Variants in MAP3K5 observed in about 807,000 individuals in gnomAD.
MAP3K5 encodes the protein ASK-1.
A neutral mutation model predicts 158.7 loss-of-function variants in MAP3K5; 56 were observed. The ratio of observed to expected loss-of-function variants is 0.35; its 90% CI spans 0.28 to 0.44. The LOEUF (loss-of-function observed/expected upper bound fraction) is 0.44, where lower values mean the gene tolerates loss of function less well. Ranked by LOEUF, MAP3K5 falls within the 20% of genes least tolerant of loss-of-function variation. The probability of loss-of-function intolerance (pLI) is 1.00; values close to 1 mark genes in which losing one functional copy is unlikely to be tolerated. For synonymous variants in MAP3K5, 579 were observed against 601.7 expected (o/e 0.96, Z 0.55); for missense variants, 1,294 against 1,674.8 (o/e 0.77, Z 3.97).
chr6:136,762,643 T>C (rs1437475514), intron 1 of MAP3K5, among the ~76,000 whole-genome samples: 5 of 152,238 alleles, frequency 3.3e-5, no homozygotes, highest in Admixed American at 6.5e-5. Flanking sequence ...AGGGAAATTA[T>C]ACCAGGGAAA....
In MAP3K5 at chr6:136,698,519, T is replaced by C. The variant is rs759105579; in HGVS notation, c.776A>G (p.Gln259Arg). 3 of 1,613,834 alleles carry C rather than the reference T, an allele frequency of 1.9e-6. No individual in the cohort carries two copies. The highest frequency in any genetic ancestry group is 2.2e-5 in the South Asian group (2 of 91,024). Residue 259 changes from glutamine (Q) to arginine (R), a missense_variant, in exon 4 of 30, where the codon CAA becomes CGA. Gln to Arg is a conservative substitution (Grantham distance 43). Coordinates refer to ENST00000359015, the MANE Select transcript of MAP3K5 (RefSeq NM_005923.4). ...ACTTGCTTGTGCCACCTTCAAAAGTTGAATAAAACGATCCACAAGAGGTAA... is the reference window on the plus strand; with the variant it reads ...ACTTGCTTGTGCCACCTTCAAAAGTCGAATAAAACGATCCACAAGAGGTAA... Reference protein sequence around the residue: ...ICLPLVDRFIQLLKVAQASSS... With the variant: ...ICLPLVDRFIRLLKVAQASSS...
chr6:136,635,128 TAAAA>T (rs758234854), intron 14 of MAP3K5, among the ~76,000 whole-genome samples: 1 of 129,666 alleles, frequency 7.7e-6, no homozygotes, highest in Non-Finnish European at 1.7e-5. Context: ...ATCTCTGGTT[TAAAA>T]AAAAAAAAAA....
intron 21 of MAP3K5, among the ~76,000 whole-genome samples, chr6:136,595,142 G>A (rs1397672282): frequency 1.3e-5 from 2 of 152,142 alleles, no homozygotes; most frequent in African/African-American, 2.4e-5. Flanking sequence ...TTTTGAGACA[G>A]AGTCACACTA....
intron 11 of MAP3K5, among the ~76,000 whole-genome samples, chr6:136,642,914 G>A (rs1175034492): frequency 6.6e-6 from 1 of 152,104 alleles, no homozygotes. Context: ...TTACAGTTGA[G>A]AAATACTTCT....
chr6:136,570,924 T>C (rs7767701), intron 25 of MAP3K5, among the ~76,000 whole-genome samples: 30,195 of 152,090 alleles, frequency 0.2, 3,461 homozygotes, highest in East Asian at 0.38. Flanking sequence ...AGACAGGGAT[T>C]GATCTCCAGT....
At chr6:136,636,430 A>G (rs1266151686) in intron 14 of MAP3K5, among the ~76,000 whole-genome samples, 1 of 152,214 alleles carries the variant, frequency 6.6e-6, no homozygotes, top group Non-Finnish European at 1.5e-5. Flanking sequence ...AGCCCAATGG[A>G]CTAAGTCACT....
At chr6:136,672,424 C>T (rs1417470719) in intron 7 of MAP3K5, among the ~76,000 whole-genome samples, 1 of 152,122 alleles carries the variant, frequency 6.6e-6, no homozygotes, top group African/African-American at 2.4e-5. Context: ...TTGGCATGGG[C>T]AGAGAAACTC....
intron 24 of MAP3K5, among the ~76,000 whole-genome samples, chr6:136,582,824 A>C (rs992477922): frequency 6.6e-6 from 1 of 152,230 alleles, no homozygotes; most frequent in African/African-American, 2.4e-5. Flanking sequence ...ACATCTTGTT[A>C]AGGGTCTCCT....
chr6:136,638,867 T>C (rs1777778420), intron 13 of MAP3K5, among the ~76,000 whole-genome samples: 2 of 152,356 alleles, frequency 1.3e-5, no homozygotes, highest in South Asian at 4.1e-4. Flanking sequence ...AAACTAACTT[T>C]CACCTACACT....
At chr6:136,687,171 G>A (rs1211106722) in intron 7 of MAP3K5, among the ~76,000 whole-genome samples, 1 of 152,090 alleles carries the variant, frequency 6.6e-6, no homozygotes, top group Admixed American at 6.5e-5. Context: ...CAAGTAACGG[G>A]GAAAGAATTC....
At chr6:136,777,122 A>C (rs1373629549) in intron 1 of MAP3K5, among the ~76,000 whole-genome samples, 1 of 152,238 alleles carries the variant, frequency 6.6e-6, no homozygotes, top group Non-Finnish European at 1.5e-5. Flanking sequence ...AGTCAAGCCA[A>C]CTATTCTTGT....
chr6:136,695,472 A>G (rs953216672), intron 6 of MAP3K5, among the ~76,000 whole-genome samples: 1 of 152,228 alleles, frequency 6.6e-6, no homozygotes, highest in Non-Finnish European at 1.5e-5. Context: ...TATTATAAAA[A>G]AGGTATCATT....
At chr6:136,577,058 G>A (rs528194847) in intron 25 of MAP3K5, among the ~76,000 whole-genome samples, 1 of 152,166 alleles carries the variant, frequency 6.6e-6, no homozygotes, top group East Asian at 1.9e-4. Flanking sequence ...TCAGAACATA[G>A]CCCTGTCATT....
rs771115548 is a variant in MAP3K5, at chr6:136,562,503, C to CTATGGGTTGGGACT, written c.3860_3873dup (p.Glu1292SerfsTer5). On this transcript the variant is annotated frameshift_variant and splice_region_variant, in exon 27 of 30. Coordinates refer to ENST00000359015, the MANE Select transcript of MAP3K5 (RefSeq NM_005923.4). LOFTEE classifies it high-confidence loss of function. ...TACTATAAAACTTTCTGCTATTCAC[C>CTATGGGTTGGGACT]TATGGGTTGGGACTTAAGCTTCAGG... is the stretch of plus-strand genomic sequence containing the variant. 6.5e-7 allele frequency: 1 copy of CTATGGGTTGGGACT among 1,541,606 alleles called. No homozygotes were observed. The highest frequency in any genetic ancestry group is 8.9e-7 in the Non-Finnish European group (1 of 1,128,726).
intron 2 of MAP3K5, among the ~76,000 whole-genome samples, chr6:136,713,292 G>C (rs932996997): frequency 1.3e-5 from 2 of 152,268 alleles, no homozygotes; most frequent in South Asian, 4.1e-4. Context: ...GTCATATAAT[G>C]GCATTGTGCA....
rs189976723 is a variant in MAP3K5, at chr6:136,727,205, C to T, written c.449-6616G>A. ...ATGTAATTATAATAAATTAAACAAA[C>T]ACTTGATACTCAAGAATTCCTGAGC... On this transcript the variant is annotated intron_variant, in intron 1 of 29. Coordinates refer to ENST00000359015, the MANE Select transcript of MAP3K5 (RefSeq NM_005923.4). Among the ~76,000 whole-genome samples the T allele has an allele frequency of 3.9e-5, 6 of 152,256 alleles. No individual in the cohort carries two copies. In the East Asian group the frequency reaches 9.6e-4, roughly 24 times the overall value.
intron 25 of MAP3K5, among the ~76,000 whole-genome samples, chr6:136,577,155 T>C (rs1774656588): frequency 6.6e-6 from 1 of 152,222 alleles, no homozygotes; most frequent in Non-Finnish European, 1.5e-5. Context: ...AGGTTAACTA[T>C]AGTATCTTGC....
chr6:136,679,957 A>G (rs377269420), intron 7 of MAP3K5, among the ~76,000 whole-genome samples: 33 of 152,292 alleles, frequency 2.2e-4, no homozygotes, highest in Admixed American at 1.0e-3. Context: ...ATACAACACA[A>G]TTATTATTCA....
intron 15 of MAP3K5, among the ~76,000 whole-genome samples, chr6:136,618,757 C>A (rs1441499898): frequency 6.6e-6 from 1 of 152,188 alleles, no homozygotes; most frequent in Non-Finnish European, 1.5e-5. Context: ...ATTTCTATTA[C>A]TGTTTCATAA....
Sources: allele counts gnomAD v4.1 joint callset (sites outside exome capture counted in the v4.1 genomes callset), GRCh38; gene constraint gnomAD v4.1.1; transcripts MANE v1.5; gene names NCBI Gene and HGNC (gene_info 2026-07-23, HGNC 2026-07-21).